The following NRG3 variants were observed in gnomAD, a reference collection of about 807,000 sequenced individuals.
NRG3 encodes the protein neuregulin 3, also known as pro-neuregulin-3, membrane-bound isoform.
Under a neutral mutation model 66.9 loss-of-function variants are expected in NRG3, and 31 were observed. The observed-to-expected ratio is 0.46, with a 90% CI of 0.35 to 0.63. The LOEUF (loss-of-function observed/expected upper bound fraction) is 0.63, where lower values mean the gene tolerates loss of function less well. NRG3 is among the 20% of genes least tolerant of loss of function. NRG3 has a pLI of 0.00. For missense variants in NRG3, 910 were observed against 878.9 expected, an observed-to-expected ratio of 1.04 and a Z score of -0.45; for synonymous variants, 393 against 359.4, an observed-to-expected ratio of 1.09 and a Z score of -1.06.
intron 4 of NRG3, among the ~76,000 whole-genome samples, chr10:82,890,345 C>T (rs1475641685): frequency 6.6e-6 from 1 of 152,076 alleles, no homozygotes; most frequent in East Asian, 1.9e-4. Context: ...TTTCTACTCA[C>T]AGTACTTCCG....
intron 1 of NRG3, among the ~76,000 whole-genome samples, chr10:82,037,659 G>A (rs530790504): frequency 6.6e-6 from 1 of 152,206 alleles, no homozygotes; most frequent in East Asian, 1.9e-4. Flanking sequence ...AAGACATCAC[G>A]ATGAGGCCTT....
chr10:82,865,479 T>G, intron 4 of NRG3, 42 bp downstream of exon 4: 1 of 1,592,732 alleles, frequency 6.3e-7, no homozygotes, highest in Non-Finnish European at 8.6e-7. Flanking sequence ...CTGGAAATGC[T>G]AAGCTTTATG....
chr10:82,209,946 G>A (rs1251257053), intron 1 of NRG3, among the ~76,000 whole-genome samples: 1 of 152,008 alleles, frequency 6.6e-6, no homozygotes, highest in Non-Finnish European at 1.5e-5. Flanking sequence ...AAAAATCAAG[G>A]ATATATATTT....
intron 1 of NRG3, among the ~76,000 whole-genome samples, chr10:82,174,997 A>T (rs1423890218): frequency 6.6e-6 from 1 of 152,154 alleles, no homozygotes; most frequent in African/African-American, 2.4e-5. Context: ...TTTTAAAAAA[A>T]TTATGGTTAA....
Position 82,899,950 on chromosome 10 carries a change from G to A in NRG3, c.1054+34513G>A, listed in dbSNP as rs147709843. Among the ~76,000 whole-genome samples the A allele has an allele frequency of 5.0e-4, 76 of 152,242 alleles. No individual in the cohort carries two copies. In the East Asian group the frequency reaches 0.012, roughly 24 times the overall value. On this transcript the variant is annotated intron_variant, in intron 4 of 8. Transcript: ENST00000372141. ...GCTATAAAGAAACACCTGAGACTTCGTAATTTATAAAGAAAAGAGGTTTAA... is the reference window on the plus strand; with the variant it reads ...GCTATAAAGAAACACCTGAGACTTCATAATTTATAAAGAAAAGAGGTTTAA...
In NRG3 at chr10:82,044,797, A is replaced by G. The variant is rs376786799; in HGVS notation, c.823+168634A>G. 3.3e-5 allele frequency among the ~76,000 whole-genome samples: 5 copies of G among 152,096 alleles called. No homozygotes were observed. In the East Asian group the frequency reaches 7.8e-4, roughly 24 times the overall value. ...TGTTCTCATTGTTCAACTCCCACCT[A>G]TGAGTGAGAACATGAAGTGTTTGGT... On this transcript the variant is annotated intron_variant, in intron 1 of 8. Coordinates refer to ENST00000372141, the MANE Select transcript of NRG3 (RefSeq NM_001010848.4).
intron 4 of NRG3, among the ~76,000 whole-genome samples, chr10:82,868,652 T>C (rs897952690): frequency 6.6e-6 from 1 of 152,280 alleles, no homozygotes; most frequent in East Asian, 1.9e-4. Flanking sequence ...ATATGTAAAA[T>C]TCTGTTTGTT....
intron 1 of NRG3, among the ~76,000 whole-genome samples, chr10:82,288,287 T>C (rs1379108653): frequency 6.6e-6 from 1 of 152,236 alleles, no homozygotes; most frequent in Non-Finnish European, 1.5e-5. Flanking sequence ...ACAACTCTCC[T>C]GAGTGGCTAT....
At chr10:82,545,783 C>CTTTTT (rs1002975772) in intron 2 of NRG3, among the ~76,000 whole-genome samples, 12 of 91,446 alleles carry the variant, frequency 1.3e-4, no homozygotes, top group East Asian at 6.6e-4. Flanking sequence ...AATATCAACT[C>CTTTTT]TTTTTTTTTT....
intron 3 of NRG3, among the ~76,000 whole-genome samples, chr10:82,817,344 A>G (rs756219132): frequency 6.6e-6 from 1 of 152,216 alleles, no homozygotes; most frequent in Non-Finnish European, 1.5e-5. Flanking sequence ...CGAAAGCCAA[A>G]TGGTGCCTGA....
intron 1 of NRG3, among the ~76,000 whole-genome samples, chr10:82,115,768 C>T (rs1261911419): frequency 6.6e-6 from 1 of 152,070 alleles, no homozygotes; most frequent in Non-Finnish European, 1.5e-5. Context: ...TCTGACATTT[C>T]TTGATGTTCT....
intron 1 of NRG3, among the ~76,000 whole-genome samples, chr10:81,893,266 C>T (rs1843197025): frequency 6.6e-6 from 1 of 152,050 alleles, no homozygotes; most frequent in African/African-American, 2.4e-5. Context: ...GGTTTTTGCA[C>T]TTCATGTTAC....
chr10:82,327,574 G>A (rs777632510), intron 1 of NRG3, among the ~76,000 whole-genome samples: 7 of 151,936 alleles, frequency 4.6e-5, no homozygotes, highest in Non-Finnish European at 8.8e-5. Context: ...GAAGCTTAGG[G>A]ACCCTCATAT....
At chr10:82,143,933 G>C (rs992068021) in intron 1 of NRG3, among the ~76,000 whole-genome samples, 1 of 151,758 alleles carries the variant, frequency 6.6e-6, no homozygotes, top group Non-Finnish European at 1.5e-5. Context: ...AAGAGTCTGA[G>C]GTAGGAGAAT....
chr10:82,487,123 G>T (rs1248503979), intron 2 of NRG3, among the ~76,000 whole-genome samples: 3 of 147,526 alleles, frequency 2.0e-5, no homozygotes, highest in Admixed American at 6.8e-5. Flanking sequence ...CTATTATATA[G>T]ATATATATAT....
At chr10:82,572,590 T>G (rs567411604) in intron 2 of NRG3, among the ~76,000 whole-genome samples, 199 of 142,900 alleles carry the variant, frequency 1.4e-3, no homozygotes, top group African/African-American at 5.3e-3. Context: ...AATCAGGTGG[T>G]TTTTTTTGTG....
At chr10:82,091,092 AT>A (rs1383514527) in intron 1 of NRG3, among the ~76,000 whole-genome samples, 2 of 151,990 alleles carry the variant, frequency 1.3e-5, no homozygotes, top group Non-Finnish European at 2.9e-5. Context: ...CTGAGGCAAA[AT>A]TTTATTTTTT....
At chr10:82,334,196 A>G (rs2082278214) in intron 1 of NRG3, among the ~76,000 whole-genome samples, 1 of 152,056 alleles carries the variant, frequency 6.6e-6, no homozygotes, top group Admixed American at 6.6e-5. Flanking sequence ...GGTGAGTGCA[A>G]GCAAGAGTCT....
chr10:82,022,244 A>G (rs1425749830), intron 1 of NRG3, among the ~76,000 whole-genome samples: 1 of 152,078 alleles, frequency 6.6e-6, no homozygotes, highest in Non-Finnish European at 1.5e-5. Flanking sequence ...GAATGAAACT[A>G]TCACTAAATT....
Sources: gnomAD v4.1 joint callset for allele counts (sites outside exome capture counted in the v4.1 genomes callset) on GRCh38, gnomAD v4.1.1 for gene constraint, MANE v1.5 for transcripts, NCBI Gene and HGNC (gene_info 2026-07-23, HGNC 2026-07-21) for gene names.